COG5: variants seen among roughly 807,000 people sequenced by gnomAD.
The protein encoded by COG5 is component of oligomeric golgi complex 5, also known as conserved oligomeric Golgi complex subunit 5.
A neutral mutation model predicts 110.4 loss-of-function variants in COG5; 86 were observed. That is an observed-to-expected ratio of 0.78 (90% CI 0.65 to 0.93). The LOEUF (loss-of-function observed/expected upper bound fraction) is 0.93. Ranked by LOEUF, COG5 falls within the 40% of genes least tolerant of loss-of-function variation. The pLI is 0.00. For missense variants in COG5, 1,077 were observed against 987.0 expected (o/e 1.09, Z -1.22); for synonymous variants, 360 against 334.6 (o/e 1.08, Z -0.83).
intron 7 of COG5, among the ~76,000 whole-genome samples, chr7:107,375,927 T>C (rs931536348): frequency 6.6e-6 from 1 of 152,016 alleles, no homozygotes; most frequent in African/African-American, 2.4e-5. Context: ...CATAAAGTTA[T>C]CCTCCTGAAA....
At chr7:107,425,195 T>G (rs1252027419) in intron 6 of COG5, among the ~76,000 whole-genome samples, 1 of 152,126 alleles carries the variant, frequency 6.6e-6, no homozygotes, top group Non-Finnish European at 1.5e-5. Flanking sequence ...CATACTGGTT[T>G]AGACGCAATA....
chr7:107,226,337 C>A (rs904473671), intron 19 of COG5, among the ~76,000 whole-genome samples: 1 of 152,134 alleles, frequency 6.6e-6, no homozygotes. Context: ...TTTGTCACAG[C>A]CCACAGCACA....
chr7:107,335,507 A>T (rs1372049783), intron 10 of COG5, among the ~76,000 whole-genome samples: 1 of 152,242 alleles, frequency 6.6e-6, no homozygotes, highest in Non-Finnish European at 1.5e-5. Context: ...ACATACTATC[A>T]GACAAAAATT....
At chr7:107,493,065 G>A (rs889519398) in intron 6 of COG5, among the ~76,000 whole-genome samples, 1 of 152,148 alleles carries the variant, frequency 6.6e-6, no homozygotes, top group African/African-American at 2.4e-5. Flanking sequence ...TCCACCTTAT[G>A]TACACATACA....
chr7:107,545,904 C>T (rs62483722), intron 5 of COG5, among the ~76,000 whole-genome samples: 42,700 of 151,566 alleles, frequency 0.28, 5,997 homozygotes, highest in East Asian at 0.33. Flanking sequence ...CTCCGTCCAA[C>T]AGCAGCGGAA....
At chr7:107,312,051 C>T (rs1229037848) in intron 11 of COG5, among the ~76,000 whole-genome samples, 1 of 151,946 alleles carries the variant, frequency 6.6e-6, no homozygotes, top group East Asian at 1.9e-4. Context: ...CCCATCCTAG[C>T]TTCCCATCCT....
chr7:107,369,979 C>A (rs1400708790), intron 8 of COG5, among the ~76,000 whole-genome samples: 2 of 152,110 alleles, frequency 1.3e-5, no homozygotes, highest in African/African-American at 4.8e-5. Context: ...ATGTGTTCTT[C>A]TGTGACCTGC....
chr7:107,499,102 G>A (rs2129134450), intron 6 of COG5, among the ~76,000 whole-genome samples: 1 of 152,260 alleles, frequency 6.6e-6, no homozygotes, highest in East Asian at 1.9e-4. Context: ...ATAGACAAAT[G>A]CATGGAAGCG....
chr7:107,488,484 T>C (rs992037492), intron 6 of COG5, among the ~76,000 whole-genome samples: 1 of 152,154 alleles, frequency 6.6e-6, no homozygotes, highest in African/African-American at 2.4e-5. Flanking sequence ...CTCATTCCCT[T>C]GTAATATTTT....
rs1466414964 is a variant in COG5, at chr7:107,437,393, G to A, written c.539-24761C>T. Among the ~76,000 whole-genome samples, 4 of 152,248 alleles carry A rather than the reference G, an allele frequency of 2.6e-5. No homozygotes were observed. In the East Asian group the frequency reaches 7.7e-4, roughly 29 times the overall value. ...ACAACAAGCCAAAACCTGAGGTTTA[G>A]GCATCTTAGGTTAAGAACCATAGTA... On this transcript the variant is annotated intron_variant, in intron 6 of 21. Coordinates refer to ENST00000297135, the MANE Select transcript of COG5 (RefSeq NM_006348.5).
At chr7:107,265,079 T>C (rs1803689577) in intron 14 of COG5, among the ~76,000 whole-genome samples, 1 of 152,188 alleles carries the variant, frequency 6.6e-6, no homozygotes, top group African/African-American at 2.4e-5. Flanking sequence ...TAGAATATAC[T>C]TAGAAATTGT....
At chr7:107,376,239 A>G (rs1164849985) in intron 7 of COG5, among the ~76,000 whole-genome samples, 1 of 151,994 alleles carries the variant, frequency 6.6e-6, no homozygotes, top group Non-Finnish European at 1.5e-5. Context: ...CTGTTCTTCA[A>G]TTTGGTATAG....
At chr7:107,513,728 A>G (rs939702318) in intron 6 of COG5, among the ~76,000 whole-genome samples, 3 of 152,198 alleles carry the variant, frequency 2.0e-5, no homozygotes, top group African/African-American at 4.8e-5. Flanking sequence ...ATAAAAAATG[A>G]AGAGTTCATG....
chr7:107,359,104 G>A (rs906830484), intron 10 of COG5, among the ~76,000 whole-genome samples: 1 of 152,142 alleles, frequency 6.6e-6, no homozygotes, highest in African/African-American at 2.4e-5. Context: ...TGCCCTCATG[G>A]CTACAGCTGC....
chr7:107,506,096 C>A (rs1320420638), intron 6 of COG5, among the ~76,000 whole-genome samples: 1 of 152,194 alleles, frequency 6.6e-6, no homozygotes, highest in Non-Finnish European at 1.5e-5. Flanking sequence ...GACTCAGGAC[C>A]TCCTGGTTGG....
At chr7:107,230,959 T>A (rs948455433) in intron 18 of COG5, among the ~76,000 whole-genome samples, 1 of 152,178 alleles carries the variant, frequency 6.6e-6, no homozygotes, top group Non-Finnish European at 1.5e-5. Context: ...AAAGTTTATA[T>A]CATTTATCCA....
At chr7:107,515,080 G>A (rs1404429673) in intron 6 of COG5, among the ~76,000 whole-genome samples, 3 of 152,036 alleles carry the variant, frequency 2.0e-5, no homozygotes. Context: ...CTAATTGTTT[G>A]ATAAATAAAT....
At chr7:107,475,402 TTTTAAA>T (rs772291552) in intron 6 of COG5, 1 of 946,570 alleles carries the variant, frequency 1.1e-6, no homozygotes, top group Admixed American at 2.8e-5. Flanking sequence ...TTCAAATGAG[TTTTAAA>T]TTTAAATTGT....
At chr7:107,457,894 T>G (rs1186927678) in intron 6 of COG5, among the ~76,000 whole-genome samples, 1 of 152,094 alleles carries the variant, frequency 6.6e-6, no homozygotes, top group South Asian at 2.1e-4. Context: ...TGAATATCAG[T>G]GAACCCCAAG....
Sources: allele counts gnomAD v4.1 joint callset (sites outside exome capture counted in the v4.1 genomes callset), GRCh38; gene constraint gnomAD v4.1.1; transcripts MANE v1.5; gene names NCBI Gene and HGNC (gene_info 2026-07-23, HGNC 2026-07-21).